Variants in SHC3 observed in about 807,000 individuals in gnomAD.
SHC3 encodes the protein SHC adaptor protein 3, also known as SHC-transforming protein 3.
In SHC3, 15 loss-of-function variants were observed where a neutral mutation model predicts 60.4. That is an observed-to-expected ratio of 0.25 (90% CI 0.17 to 0.38). The LOEUF (loss-of-function observed/expected upper bound fraction) is 0.38. Among genes scored for constraint, SHC3 ranks in the 10% least tolerant of loss-of-function variants. The pLI is 1.00. For synonymous variants in SHC3, 294 were observed against 325.9 expected, an observed-to-expected ratio of 0.90 and a Z score of 1.05; for missense variants, 677 against 786.1, an observed-to-expected ratio of 0.86 and a Z score of 1.66.
At chr9:89,040,666 C>G (rs538359068) in intron 10 of SHC3, among the ~76,000 whole-genome samples, 1 of 152,328 alleles carries the variant, frequency 6.6e-6, no homozygotes, top group Admixed American at 6.5e-5. Context: ...TGCTTTGCAT[C>G]TTGAAAAAGT....
chr9:89,142,752 C>T (rs1826412701), intron 1 of SHC3, among the ~76,000 whole-genome samples: 1 of 151,986 alleles, frequency 6.6e-6, no homozygotes, highest in Non-Finnish European at 1.5e-5. Context: ...CTAAGTTGGC[C>T]TCTAACCCAA....
chr9:89,054,172 G>A (rs372861695), intron 6 of SHC3, among the ~76,000 whole-genome samples: 1 of 152,152 alleles, frequency 6.6e-6, no homozygotes, highest in Non-Finnish European at 1.5e-5. Flanking sequence ...GCCTGGGAAG[G>A]GGCCTCTGTG....
At chr9:89,149,082 G>T (rs1353107697) in intron 1 of SHC3, among the ~76,000 whole-genome samples, 2 of 152,282 alleles carry the variant, frequency 1.3e-5, no homozygotes, top group East Asian at 3.9e-4. Flanking sequence ...ACATGAGAGG[G>T]CATGGATTTT....
intron 2 of SHC3, among the ~76,000 whole-genome samples, chr9:89,104,499 A>T (rs907051947): frequency 2.0e-5 from 3 of 152,246 alleles, no homozygotes; most frequent in African/African-American, 7.2e-5. Flanking sequence ...CAAATCTTTG[A>T]GGGCCTTGTG....
rs577701809 is a variant in SHC3 at position 89,084,819 on chromosome 9, C to T, written c.546-6916G>A. On this transcript the variant is annotated intron_variant, in intron 2 of 11. Coordinates refer to ENST00000375835, the MANE Select transcript of SHC3 (RefSeq NM_016848.6). ...GAAGAAGCCTCCAATCTGTGCTGCA[C>T]CCTGAGGGAGATGGTGCCATGTCTC... Among the ~76,000 whole-genome samples the T allele has an allele frequency of 7.9e-5, 12 of 152,256 alleles. 1 individual carries two copies. Among genetic ancestry groups the T allele is most frequent in the Admixed American group, 5.2e-4 (8 of 15,294 alleles).
At chr9:89,164,233 G>A (rs554459830) in intron 1 of SHC3, among the ~76,000 whole-genome samples, 6 of 152,306 alleles carry the variant, frequency 3.9e-5, no homozygotes, top group Non-Finnish European at 8.8e-5. Context: ...ATCTGATAGA[G>A]TCTCACTTCA....
In SHC3 at chr9:89,123,339, C is replaced by T. The variant is rs1431691317; in HGVS notation, c.475-10713G>A. 3.9e-5 allele frequency among the ~76,000 whole-genome samples: 6 copies of T among 152,310 alleles called. No individual in the cohort carries two copies. The South Asian group carries it at 8.3e-4, about 21-fold the overall frequency. ...GACCTCCATGGTGTGATCAGAATTG[C>T]TCACAGAGCAATCAACAGATGTCTG... On this transcript the variant is annotated intron_variant, in intron 1 of 11. Coordinates refer to ENST00000375835, the MANE Select transcript of SHC3 (RefSeq NM_016848.6).
At chr9:89,037,661 G>A (rs1399928329) in intron 11 of SHC3, 1 of 635,484 alleles carries the variant, frequency 1.6e-6, no homozygotes, top group East Asian at 2.7e-5. Flanking sequence ...AAGCCTAGGA[G>A]CCTGTACTTC....
In SHC3 at chr9:89,005,923, A is replaced by G. The variant is rs1366600695; in HGVS notation, c.*7524T>C. ...ACAGAAATGTAACAAGGTGCATTTT[A>G]TAGAAAACATCTAATTAAATCACCA... On this transcript the variant is annotated 3_prime_UTR_variant, in exon 12 of 12. Transcript: ENST00000375835. The G allele has an allele frequency of 6.6e-6, 1 of 152,246 alleles. No homozygotes were observed. The highest frequency in any genetic ancestry group is 1.5e-5 in the Non-Finnish European group (1 of 68,044). The allele number at this position is 152,246 out of a possible 1,614,324, so 9.4% of individuals were successfully genotyped here.
chr9:89,024,704 T>G (rs1486012768), intron 11 of SHC3, among the ~76,000 whole-genome samples: 1 of 152,236 alleles, frequency 6.6e-6, no homozygotes, highest in African/African-American at 2.4e-5. Context: ...ATTCCTATTT[T>G]CTTACCCACA....
At position 89,006,081 on chromosome 9, in the gene SHC3, C is replaced by G. The variant is rs1442631739; in HGVS notation, c.*7366G>C. 1 of 152,228 alleles carries G rather than the reference C, an allele frequency of 6.6e-6. No homozygotes were observed. The highest frequency in any genetic ancestry group is 1.5e-5 in the Non-Finnish European group (1 of 68,044). The allele number at this position is 152,228 out of a possible 1,614,324, so 9.4% of individuals were successfully genotyped here. A position where few individuals can be genotyped will look rare whatever the true frequency, so the allele number is the denominator to read the frequency against. Reference sequence around the variant, plus strand: ...CACCACTGTTCTGATAATAAAGGCACATTTTCCAATAACCAATTATAACAA... The same window carrying G: ...CACCACTGTTCTGATAATAAAGGCAGATTTTCCAATAACCAATTATAACAA... On this transcript the variant is annotated 3_prime_UTR_variant, in exon 12 of 12. Coordinates refer to ENST00000375835, the MANE Select transcript of SHC3 (RefSeq NM_016848.6).
At chr9:89,132,583 C>T (rs1826263087) in intron 1 of SHC3, among the ~76,000 whole-genome samples, 1 of 152,136 alleles carries the variant, frequency 6.6e-6, no homozygotes, top group South Asian at 2.1e-4. Context: ...TGGAACAGAA[C>T]AGAGCTCTCA....
In SHC3 at chr9:89,020,756, A is replaced by C. The variant is rs531385735; in HGVS notation, c.1657-7181T>G. ...AATGTACAGGCATAGGGGAGGGGAC[A>C]CAGGTGAGTCCCCCTCACCAACTCT... On this transcript the variant is annotated intron_variant, in intron 11 of 11. Transcript: ENST00000375835. Among the ~76,000 whole-genome samples, 4 of 152,238 alleles carry C rather than the reference A, an allele frequency of 2.6e-5. No homozygotes were observed. The East Asian group carries it at 7.7e-4, about 29-fold the overall frequency.
intron 11 of SHC3, among the ~76,000 whole-genome samples, chr9:89,029,300 C>T (rs370629021): frequency 4.6e-5 from 7 of 151,478 alleles, no homozygotes; most frequent in African/African-American, 1.5e-4. Context: ...GTTCCTAGAA[C>T]AATGAATAGA....
chr9:89,049,292 A>C lies in SHC3; in HGVS notation c.963-2298T>G, dbSNP rs79611118. ...AAAACAAAACAAAACAAAACAAAACAAAACCAGAAATGATATGCCAATACT... is the reference window on the plus strand; with the variant it reads ...AAAACAAAACAAAACAAAACAAAACCAAACCAGAAATGATATGCCAATACT... On this transcript the variant is annotated intron_variant, in intron 7 of 11. Coordinates refer to ENST00000375835, the MANE Select transcript of SHC3 (RefSeq NM_016848.6). Among the ~76,000 whole-genome samples, 548 of 133,476 alleles carry C rather than the reference A, an allele frequency of 4.1e-3. 14 individuals carry two copies. The highest frequency in any genetic ancestry group is 0.037 in the East Asian group (192 of 5,158). 87.6% of individuals were successfully genotyped at this position (133,476 alleles called of 152,430 possible).
At chr9:89,052,352 G>T (rs1196736169) in intron 6 of SHC3, among the ~76,000 whole-genome samples, 189 bp from the exon 7 acceptor site, 1 of 152,138 alleles carries the variant, frequency 6.6e-6, no homozygotes, top group African/African-American at 2.4e-5. Flanking sequence ...CTCACAATAG[G>T]CATGCATTTC....
intron 10 of SHC3, among the ~76,000 whole-genome samples, chr9:89,040,811 G>C (rs143564723): frequency 4.3e-4 from 66 of 152,298 alleles, no homozygotes; most frequent in Non-Finnish European, 7.8e-4. Flanking sequence ...TTTTTGTTAA[G>C]TCAAAATGGG....
chr9:89,034,464 T>C (rs995662386), intron 11 of SHC3, among the ~76,000 whole-genome samples: 7 of 152,240 alleles, frequency 4.6e-5, no homozygotes, highest in Non-Finnish European at 8.8e-5. Context: ...GGTCAGCCTC[T>C]GTAGGCGCCC....
At chr9:89,039,424 CA>C (rs1824637880) in intron 10 of SHC3, among the ~76,000 whole-genome samples, 1 of 152,180 alleles carries the variant, frequency 6.6e-6, no homozygotes, top group Non-Finnish European at 1.5e-5. Context: ...GAACCATTGG[CA>C]AAAATTATGT....
Sources: allele counts gnomAD v4.1 joint callset (sites outside exome capture counted in the v4.1 genomes callset), GRCh38; gene constraint gnomAD v4.1.1; transcripts MANE v1.5; gene names NCBI Gene and HGNC (gene_info 2026-07-23, HGNC 2026-07-21).